Variants in LRCH4 observed in about 807,000 individuals in gnomAD.
LRCH4 encodes leucine rich repeats and calponin homology domain containing 4.
In LRCH4, 56 loss-of-function variants were observed where a neutral mutation model predicts 81.2. That is an observed-to-expected ratio of 0.69 (90% CI 0.56 to 0.86). The LOEUF (loss-of-function observed/expected upper bound fraction) is 0.86, where lower values mean the gene tolerates loss of function less well. Among genes scored for constraint, LRCH4 ranks in the 40% least tolerant of loss-of-function variants. The pLI, the probability that LRCH4 is intolerant of heterozygous loss-of-function variation, is 0.00. For missense variants in LRCH4, 895 were observed against 922.8 expected (o/e 0.97, Z 0.39); for synonymous variants, 442 against 409.7 (o/e 1.08, Z -0.95).
At chr7:100,584,367 C>G (rs959698750) in intron 1 of LRCH4, among the ~76,000 whole-genome samples, 1 of 151,794 alleles carries the variant, frequency 6.6e-6, no homozygotes, top group African/African-American at 2.4e-5. Flanking sequence ...ATTTCCGACC[C>G]CCCCCCAAGC....
At position 100,582,423 on chromosome 7, in the gene LRCH4, G is replaced by T. The variant is rs148352509; in HGVS notation, c.257C>A (p.Ala86Glu). Residue 86 changes from alanine (A) to glutamate (E), a missense_variant, in exon 2 of 18, where the codon GCG becomes GAG. Around this residue, in one of 3 missense-constraint regions of LRCH4, gnomAD observed 360 missense variants for 397.0 expected, o/e 0.91. Coordinates refer to ENST00000310300, the MANE Select transcript of LRCH4 (RefSeq NM_002319.5). This position sits in a 1 kb window ranked among gnomAD's most constrained non-coding sequence, Gnocchi z 5.0. ...CTCCAGGGACACCAGCTGGCACGCC[G>T]CCTCGGGCACCTCGGGAAACCGGTT... ...SRNRFPEVPEAACQLVSLEGL... is the reference protein window; with the variant it reads ...SRNRFPEVPEEACQLVSLEGL... 4 of 1,612,704 alleles carry T rather than the reference G, an allele frequency of 2.5e-6. No homozygotes were observed. In the East Asian group the frequency reaches 8.9e-5, roughly 36 times the overall value.
rs1246716416 is a variant in LRCH4, at chr7:100,574,208, C to CCGGGGTCCCGGG, written c.*887_*898dup. ...CGGAGCCCAGGCGCGTCTTCTGCTC[C>CCGGGGTCCCGGG]CGGGGTCCCGGGCGGGGTGGGCCCT... On this transcript the variant is annotated 3_prime_UTR_variant, in exon 18 of 18. Transcript: ENST00000310300. 5.8e-6 allele frequency: 1 copy of CCGGGGTCCCGGG among 172,726 alleles called. No individual in the cohort carries two copies. Among genetic ancestry groups the CCGGGGTCCCGGG allele is most frequent in the Non-Finnish European group, 1.3e-5 (1 of 77,374 alleles). The allele number at this position is 172,726 out of a possible 1,614,324, so 10.7% of individuals were successfully genotyped here.
intron 4 of LRCH4, chr7:100,579,007 C>T (rs145602923): frequency 4.6e-5 from 26 of 562,534 alleles, no homozygotes; most frequent in East Asian, 3.0e-4. Context: ...CCCATCTGGA[C>T]GTCAGCTCAG....
At position 100,582,452 on chromosome 7, in the gene LRCH4, G is replaced by C. The variant is rs1460298172; in HGVS notation, c.228C>G (p.Ser76=). 6.2e-7 allele frequency: 1 copy of C among 1,608,034 alleles called. No homozygotes were observed. Among genetic ancestry groups the C allele is most frequent in the Non-Finnish European group, 8.5e-7 (1 of 1,179,842 alleles). Residue 76 remains serine, a synonymous_variant, in exon 2 of 18, where the codon TCC becomes TCG. Coordinates refer to ENST00000310300, the MANE Select transcript of LRCH4 (RefSeq NM_002319.5). This position sits in a 1 kb window ranked among gnomAD's most constrained non-coding sequence, Gnocchi z 5.0. ...DLSDITQADL[S]RNRFPEVPEA... is the part of the protein sequence containing the mutation. ...CGGGCACCTCGGGAAACCGGTTCCG[G>C]GACAGGTCTGGGGAAAAGGAGGTGT... is the stretch of plus-strand genomic sequence containing the variant.
At position 100,576,984 on chromosome 7, in the gene LRCH4, G is replaced by A; in HGVS notation, c.1386C>T (p.Ala462=). Residue 462 remains alanine (A), a synonymous_variant, in exon 13 of 18, where the codon GCC becomes GCT. Coordinates refer to ENST00000310300, the MANE Select transcript of LRCH4 (RefSeq NM_002319.5). ...AMHNGSPKSS[A]SQAGAAAGQG... The stretch of plus-strand genomic sequence containing the variant: ...GCCCCGCTGCAGCCCCTGCTTGGGA[G>A]GCACTGGACTTAGGCGAGCCGCTGA... 1.2e-6 allele frequency: 2 copies of A among 1,605,930 alleles called. No homozygotes were observed. The highest frequency in any genetic ancestry group is 1.7e-6 in the Non-Finnish European group (2 of 1,174,022).
chr7:100,575,829 C>T lies in LRCH4; in HGVS notation c.1776+42G>A, dbSNP rs201479002. 202 of 1,607,884 alleles carry T rather than the reference C, an allele frequency of 1.3e-4. No homozygotes were observed. In the Admixed American group the frequency reaches 1.6e-3, roughly 13 times the overall value. ...AATGTGGTAAGGGAGAGGCCACAGG[C>T]GCCCCGGCCCATCCCCCACCTCTTC... On this transcript the variant is annotated intron_variant, in intron 16 of 17. Transcript: ENST00000310300. The surrounding 1 kb of genome is among the most constrained non-coding windows in gnomAD (Gnocchi z 5.3).
chr7:100,584,088 C>A (rs1039571023), intron 1 of LRCH4: 1 of 453,368 alleles, frequency 2.2e-6, no homozygotes, highest in South Asian at 1.6e-5. Context: ...CGACACGCAG[C>A]GAAGACACTC....
chr7:100,574,840 A>C lies in LRCH4; in HGVS notation c.*267T>G. ...CAGCTCCTGCCACCCCTCACGGGGT[A>C]CAGAGGGCAGGGGCAGGGCCGGCGG... On this transcript the variant is annotated 3_prime_UTR_variant, in exon 18 of 18. Coordinates refer to ENST00000310300, the MANE Select transcript of LRCH4 (RefSeq NM_002319.5). The C allele has an allele frequency of 2.5e-6, 1 of 404,364 alleles. No individual in the cohort carries two copies. The highest frequency in any genetic ancestry group is 4.0e-5 in the Admixed American group (1 of 25,172). 25.0% of individuals were successfully genotyped at this position (404,364 alleles called of 1,614,324 possible).
At position 100,574,934 on chromosome 7, in the gene LRCH4, G is replaced by T; in HGVS notation, c.*173C>A. ...GGCTACTGGAGGGAGGCCAGAGGCT[G>T]GGGGCCCAGGGTCTGGGGGCACCAG... On this transcript the variant is annotated 3_prime_UTR_variant, in exon 18 of 18. Transcript: ENST00000310300. The T allele has an allele frequency of 1.6e-6, 1 of 622,696 alleles. No homozygotes were observed. The highest frequency in any genetic ancestry group is 2.8e-6 in the Non-Finnish European group (1 of 361,752). The allele number at this position is 622,696 out of a possible 1,614,324, so 38.6% of individuals were successfully genotyped here.
Position 100,583,280 on chromosome 7 carries a change from G to A in LRCH4, c.221-821C>T, listed in dbSNP as rs1353722968. 6.6e-6 allele frequency among the ~76,000 whole-genome samples: 1 copy of A among 152,206 alleles called. No individual in the cohort carries two copies. Among genetic ancestry groups the A allele is most frequent in the Non-Finnish European group, 1.5e-5 (1 of 68,024 alleles). ...GTGTGAGCATCTCAGGCACGGCGAG[G>A]GTGGAGAGTGTGGGAGGGCCTGGGG... On this transcript the variant is annotated intron_variant, in intron 1 of 17. Transcript: ENST00000310300. The surrounding 1 kb of genome is among the most constrained non-coding windows in gnomAD (Gnocchi z 4.3).
Position 100,582,148 on chromosome 7 carries a change from G to T in LRCH4, c.385C>A (p.Leu129Met). 1 of 1,613,324 alleles carries T rather than the reference G, an allele frequency of 6.2e-7. No individual in the cohort carries two copies. The highest frequency in any genetic ancestry group is 8.5e-7 in the Non-Finnish European group (1 of 1,179,910). The change falls in exon 3 of 18, where the codon CTG (leucine) becomes ATG (methionine). Residue 129 changes from leucine (L) to methionine (M), a missense_variant. Around this residue, in one of 3 missense-constraint regions of LRCH4, gnomAD observed 360 missense variants for 397.0 expected, o/e 0.91. Coordinates refer to ENST00000310300, the MANE Select transcript of LRCH4 (RefSeq NM_002319.5). This position sits in a 1 kb window ranked among gnomAD's most constrained non-coding sequence, Gnocchi z 5.0. ...LNLSRNQLSLLPPYICQLPLR... is the reference protein window; with the variant it reads ...LNLSRNQLSLMPPYICQLPLR... Reference sequence around the variant, plus strand: ...GGCAGCTGGCAGATGTAGGGTGGCAGCAGCGACAGCTGGTTTCGGCTGTGG... The same window carrying T: ...GGCAGCTGGCAGATGTAGGGTGGCATCAGCGACAGCTGGTTTCGGCTGTGG...
rs1478618416 is a variant in LRCH4, at chr7:100,577,906, C to G, written c.955G>C (p.Asp319His). The change falls in exon 8 of 18, where the codon GAT (aspartate) becomes CAT (histidine). Residue 319 changes from aspartate to histidine, a missense_variant. Around this residue, in one of 3 missense-constraint regions of LRCH4, gnomAD observed 529 missense variants for 504.9 expected, o/e 1.05. Coordinates refer to ENST00000310300, the MANE Select transcript of LRCH4 (RefSeq NM_002319.5). This position sits in a 1 kb window ranked among gnomAD's most constrained non-coding sequence, Gnocchi z 6.7. ...SKRWSGNEST[D>H]EFSELSFRIS... ...CGGAATGACAGCTCTGAAAATTCAT[C>G]TGTTGACTGTAAAGGCAGAGGCAGA... The G allele has an allele frequency of 6.2e-7, 1 of 1,613,768 alleles. No individual in the cohort carries two copies.
Position 100,574,778 on chromosome 7 carries a change from G to T in LRCH4, c.*329C>A. 6.8e-6 allele frequency: 2 copies of T among 295,610 alleles called. No individual in the cohort carries two copies. The highest frequency in any genetic ancestry group is 4.6e-5 in the Admixed American group (1 of 21,744). 18.3% of individuals were successfully genotyped at this position (295,610 alleles called of 1,614,324 possible). A position where few individuals can be genotyped will look rare whatever the true frequency, so the allele number is the denominator to read the frequency against. ...TAGCCCCCCCATAGCAGCTGTTGGG[G>T]GGGGAAGGGGAGGGCACAGGAGGAA... On this transcript the variant is annotated 3_prime_UTR_variant, in exon 18 of 18. Transcript: ENST00000310300.
chr7:100,577,873 C>G lies in LRCH4; in HGVS notation c.988G>C (p.Glu330Gln). The change falls in exon 8 of 18, where the codon GAG (glutamate) becomes CAG (glutamine). Residue 330 changes from glutamate (E) to glutamine (Q), a missense_variant. By Grantham distance (29) the Glu-to-Gln change is conservative. This residue lies in a region of LRCH4 where 529 missense variants were observed against 504.9 expected (regional missense o/e 1.05). Coordinates refer to ENST00000310300, the MANE Select transcript of LRCH4 (RefSeq NM_002319.5). The surrounding 1 kb of genome is among the most constrained non-coding windows in gnomAD (Gnocchi z 6.7). Reference protein sequence around the residue: ...EFSELSFRISELAREPRGPRE... With the variant: ...EFSELSFRISQLAREPRGPRE... ...GGTCCCCGGGGCTCCCGGGCCAGCT[C>G]TGAGATCCGGAATGACAGCTCTGAA... The G allele has an allele frequency of 6.2e-7, 1 of 1,614,088 alleles. No homozygotes were observed. The highest frequency in any genetic ancestry group is 8.5e-7 in the Non-Finnish European group (1 of 1,179,950).
chr7:100,576,191 G>T (rs535986162), intron 15 of LRCH4, 47 bp downstream of exon 15: 1 of 1,587,066 alleles, frequency 6.3e-7, no homozygotes, highest in East Asian at 2.3e-5. Context: ...AACACAAGGA[G>T]GTGCCCGGCC....
chr7:100,577,556 C>T lies in LRCH4; in HGVS notation c.1119G>A (p.Glu373=), dbSNP rs778380810. 1.2e-6 allele frequency: 2 copies of T among 1,611,112 alleles called. No homozygotes were observed. Among genetic ancestry groups the T allele is most frequent in the Non-Finnish European group, 1.7e-6 (2 of 1,179,956 alleles). The change falls in exon 10 of 18, where the codon GAG becomes GAA. Residue 373 remains glutamate, a splice_region_variant and synonymous_variant. Transcript: ENST00000310300. This position sits in a 1 kb window ranked among gnomAD's most constrained non-coding sequence, Gnocchi z 6.7. The stretch of plus-strand genomic sequence containing the variant: ...CAGGGCTTAATTCGGGTGGTCGCTG[C>T]TCCTAAGGAGAGAACAGCAGAGCAG... The part of the protein sequence containing the change: ...GEDEERGTVE[E]QRPPELSPGA...
chr7:100,579,024 C>T (rs1047746393), intron 4 of LRCH4: 9 of 540,958 alleles, frequency 1.7e-5, no homozygotes, highest in East Asian at 3.2e-5. Flanking sequence ...TCAGCTTCCC[C>T]GGGAAGGCCC....
Position 100,575,888 on chromosome 7 carries a change from C to G in LRCH4, c.1759G>C (p.Val587Leu), listed in dbSNP as rs1801341479. ...LRPRSVPFIH[V>L]PSPAVPKLSA... Reference sequence around the variant, plus strand: ...CAACTGACCACAGCAGGGGAGGGCACATGGATGAAGGGCACGGAGCGCGGC... The same window carrying G: ...CAACTGACCACAGCAGGGGAGGGCAGATGGATGAAGGGCACGGAGCGCGGC... The change falls in exon 16 of 18, where the codon GTG becomes CTG. Residue 587 changes from valine (V) to leucine (L), a missense_variant. By Grantham distance (32) the Val-to-Leu change is conservative. Coordinates refer to ENST00000310300, the MANE Select transcript of LRCH4 (RefSeq NM_002319.5). This position sits in a 1 kb window ranked among gnomAD's most constrained non-coding sequence, Gnocchi z 5.3. 1 of 1,613,564 alleles carries G rather than the reference C, an allele frequency of 6.2e-7. No individual in the cohort carries two copies. The highest frequency in any genetic ancestry group is 8.5e-7 in the Non-Finnish European group (1 of 1,179,784).
intron 1 of LRCH4, chr7:100,584,156 G>A (rs1022431284): frequency 8.8e-6 from 4 of 456,368 alleles, no homozygotes; most frequent in African/African-American, 6.0e-5. Flanking sequence ...GCAAGGCACT[G>A]ATGCTTTTCG....
Sources: allele counts gnomAD v4.1 joint callset (sites outside exome capture counted in the v4.1 genomes callset), GRCh38; gene constraint gnomAD v4.1.1; regional missense constraint gnomAD v4.1.1; non-coding constraint Gnocchi (gnomAD v3.1); transcripts MANE v1.5; gene names NCBI Gene and HGNC (gene_info 2026-07-23, HGNC 2026-07-21).